The following IQCM variants were observed in gnomAD, a reference collection of about 807,000 sequenced individuals.
IQCM encodes the protein IQ domain-containing protein M.
A neutral mutation model predicts 57.6 loss-of-function variants in IQCM; 45 were observed. The observed-to-expected ratio is 0.78, with a 90% CI of 0.62 to 1.00. The LOEUF (loss-of-function observed/expected upper bound fraction) is 1.00, where lower values mean the gene tolerates loss of function less well. Ranked by LOEUF, IQCM falls within the 50% of genes least tolerant of loss-of-function variation. The probability of loss-of-function intolerance (pLI) is 0.00; values close to 1 mark genes in which losing one functional copy is unlikely to be tolerated. For synonymous variants in IQCM, 148 were observed against 158.9 expected (o/e 0.93, Z 0.51); for missense variants, 468 against 511.6 (o/e 0.91, Z 0.82).
intron 12 of IQCM, among the ~76,000 whole-genome samples, chr4:149,486,322 G>C (rs1741508166): frequency 6.6e-6 from 1 of 151,996 alleles, no homozygotes; most frequent in South Asian, 2.1e-4. Context: ...ACATTCTATT[G>C]TATTGTGGCT....
At chr4:149,729,704 A>C (rs940352925) in intron 5 of IQCM, among the ~76,000 whole-genome samples, 9 of 151,712 alleles carry the variant, frequency 5.9e-5, no homozygotes, top group Non-Finnish European at 1.2e-4. Flanking sequence ...CATTTTTTTT[A>C]ATATATGGTT....
At chr4:149,677,267 C>A (rs1441070797) in intron 7 of IQCM, among the ~76,000 whole-genome samples, 1 of 152,120 alleles carries the variant, frequency 6.6e-6, no homozygotes, top group Non-Finnish European at 1.5e-5. Flanking sequence ...CTACTATCTC[C>A]AGCTCTGGAA....
At chr4:149,499,600 G>T (rs1411188431) in intron 12 of IQCM, among the ~76,000 whole-genome samples, 1 of 151,940 alleles carries the variant, frequency 6.6e-6, no homozygotes, top group Admixed American at 6.6e-5. Context: ...TGCTACAATA[G>T]TTTTTTTAAT....
intron 2 of IQCM, among the ~76,000 whole-genome samples, chr4:149,805,779 T>C (rs929925215): frequency 1.3e-5 from 2 of 152,056 alleles, no homozygotes; most frequent in Admixed American, 6.6e-5. Context: ...CCAATAGTGT[T>C]TGATTTTTAT....
At chr4:149,555,195 T>A (rs1186831842) in intron 10 of IQCM, among the ~76,000 whole-genome samples, 1 of 152,214 alleles carries the variant, frequency 6.6e-6, no homozygotes, top group Non-Finnish European at 1.5e-5. Context: ...TCAATGTGTA[T>A]TTTTAATCTG....
At chr4:149,775,091 C>T (rs1380860937) in intron 2 of IQCM, among the ~76,000 whole-genome samples, 1 of 147,602 alleles carries the variant, frequency 6.8e-6, no homozygotes, top group Non-Finnish European at 1.5e-5. Flanking sequence ...AATGCAGCAA[C>T]TTTGCATTAT....
intron 9 of IQCM, among the ~76,000 whole-genome samples, chr4:149,583,617 C>A (rs1752403077): frequency 6.6e-6 from 1 of 151,552 alleles, no homozygotes; most frequent in African/African-American, 2.4e-5. Flanking sequence ...TCATGGAATG[C>A]AATAGGTTAT....
chr4:149,388,523 T>C (rs928861104), intron 13 of IQCM, among the ~76,000 whole-genome samples: 1 of 131,718 alleles, frequency 7.6e-6, no homozygotes, highest in Non-Finnish European at 1.7e-5. Context: ...ACATATATAT[T>C]ATATATATTA....
intron 13 of IQCM, among the ~76,000 whole-genome samples, chr4:149,397,685 T>C (rs1732325160): frequency 6.6e-6 from 1 of 152,086 alleles, no homozygotes; most frequent in South Asian, 2.1e-4. Flanking sequence ...AATGGACTAA[T>C]ACAACAATTT....
intron 9 of IQCM, among the ~76,000 whole-genome samples, chr4:149,573,023 C>T (rs1315905550): frequency 6.6e-6 from 1 of 151,670 alleles, no homozygotes; most frequent in Non-Finnish European, 1.5e-5. Flanking sequence ...AGACACCCAT[C>T]CCCAGTTTCA....
At chr4:149,657,385 T>G (rs150395077) in intron 7 of IQCM, among the ~76,000 whole-genome samples, 1 of 152,304 alleles carries the variant, frequency 6.6e-6, no homozygotes, top group Non-Finnish European at 1.5e-5. Context: ...ATTCTGTATA[T>G]GTACCACATT....
intron 13 of IQCM, among the ~76,000 whole-genome samples, chr4:149,419,900 A>G (rs1013779938): frequency 1.3e-5 from 2 of 152,268 alleles, no homozygotes; most frequent in African/African-American, 2.4e-5. Flanking sequence ...GAAAATCAAC[A>G]TCACTGATCT....
chr4:149,526,276 T>C (rs1399975482), intron 12 of IQCM, among the ~76,000 whole-genome samples: 1 of 151,936 alleles, frequency 6.6e-6, no homozygotes, highest in Non-Finnish European at 1.5e-5. Context: ...GGAGAATGAC[T>C]GAATAGAATG....
At chr4:149,568,949 G>T (rs1750897424) in intron 9 of IQCM, among the ~76,000 whole-genome samples, 1 of 152,100 alleles carries the variant, frequency 6.6e-6, no homozygotes, top group Admixed American at 6.5e-5. Flanking sequence ...ACTATGAGCT[G>T]GTCTTGTGAA....
intron 13 of IQCM, among the ~76,000 whole-genome samples, chr4:149,421,808 GTT>G (rs1734140781): frequency 6.6e-6 from 1 of 151,984 alleles, no homozygotes; most frequent in Non-Finnish European, 1.5e-5. Flanking sequence ...TTACATGCCT[GTT>G]TAATCTAATG....
intron 12 of IQCM, among the ~76,000 whole-genome samples, chr4:149,529,476 A>G (rs907844968): frequency 5.3e-5 from 8 of 152,310 alleles, no homozygotes; most frequent in African/African-American, 1.9e-4. Flanking sequence ...AAAACCATAA[A>G]GGTCTCATCC....
intron 12 of IQCM, among the ~76,000 whole-genome samples, chr4:149,479,570 CA>C (rs1198523648): frequency 6.6e-6 from 1 of 152,200 alleles, no homozygotes; most frequent in Non-Finnish European, 1.5e-5. Context: ...CACAAGGTCA[CA>C]CCAATTTTAA....
chr4:149,476,525 G>A (rs1740211084), intron 12 of IQCM, among the ~76,000 whole-genome samples: 1 of 152,268 alleles, frequency 6.6e-6, no homozygotes, highest in Admixed American at 6.5e-5. Context: ...GTCACTATGT[G>A]AGTCTACTTC....
chr4:149,704,116 T>C (rs1763978379), intron 5 of IQCM, among the ~76,000 whole-genome samples: 1 of 151,978 alleles, frequency 6.6e-6, no homozygotes, highest in Non-Finnish European at 1.5e-5. Context: ...ATTTATCTTA[T>C]TGCTTGTCTT....
Sources: allele counts gnomAD v4.1 joint callset (sites outside exome capture counted in the v4.1 genomes callset), GRCh38; gene constraint gnomAD v4.1.1; transcripts MANE v1.5; gene names NCBI Gene and HGNC (gene_info 2026-07-23, HGNC 2026-07-21).